Variants in MEOX1 observed in about 807,000 individuals in gnomAD.
The protein encoded by MEOX1 is homeobox protein MOX-1.
Under a neutral mutation model 23.2 loss-of-function variants are expected in MEOX1, and 17 were observed. That is an observed-to-expected ratio of 0.73 (90% confidence interval 0.50 to 1.10). The LOEUF (loss-of-function observed/expected upper bound fraction) is 1.10. Among genes scored for constraint, MEOX1 ranks in the 50% least tolerant of loss-of-function variants. MEOX1 has a pLI of 0.00. For missense variants in MEOX1, 333 were observed against 332.2 expected, an observed-to-expected ratio of 1.00 and a Z score of -0.02; for synonymous variants, 134 against 135.1, an observed-to-expected ratio of 0.99 and a Z score of 0.06.
intron 1 of MEOX1, among the ~76,000 whole-genome samples, chr17:43,657,265 C>T (rs1176535648): frequency 6.7e-6 from 1 of 149,434 alleles, no homozygotes; most frequent in African/African-American, 2.5e-5. Flanking sequence ...CTCCACCTCC[C>T]AAGTTCAAGC....
intron 1 of MEOX1, among the ~76,000 whole-genome samples, chr17:43,658,486 G>A (rs1025721274): frequency 1.0e-4 from 14 of 140,054 alleles, no homozygotes; most frequent in Admixed American, 4.0e-4. Flanking sequence ...CAGCATGGGC[G>A]TTAGAGTGAG....
intron 1 of MEOX1, among the ~76,000 whole-genome samples, chr17:43,660,767 C>T (rs1017327484): frequency 6.6e-6 from 1 of 152,158 alleles, no homozygotes; most frequent in African/African-American, 2.4e-5. Context: ...CCAGCCCTCG[C>T]CAGTCTGCAC....
intron 1 of MEOX1, among the ~76,000 whole-genome samples, chr17:43,659,082 A>G (rs1973093678): frequency 6.6e-6 from 1 of 152,204 alleles, no homozygotes; most frequent in African/African-American, 2.4e-5. Context: ...CCACTCGCCA[A>G]AAAGAGAGCT....
chr17:43,655,592 G>A (rs537221207), intron 1 of MEOX1, among the ~76,000 whole-genome samples: 37 of 148,486 alleles, frequency 2.5e-4, no homozygotes, highest in African/African-American at 8.4e-4. Context: ...GGGAGGCCAA[G>A]GTGGGAGGAC....
intron 1 of MEOX1, among the ~76,000 whole-genome samples, chr17:43,645,580 T>G (rs1972792638): frequency 6.6e-6 from 1 of 152,158 alleles, no homozygotes; most frequent in Admixed American, 6.5e-5. Flanking sequence ...ATCTCTGCCT[T>G]GCCGGCGAGG....
intron 1 of MEOX1, among the ~76,000 whole-genome samples, chr17:43,654,377 A>C (rs1468911876): frequency 6.6e-6 from 1 of 152,090 alleles, no homozygotes; most frequent in African/African-American, 2.4e-5. Context: ...GTGTGGTGGC[A>C]CACGCCTGTA....
rs1036485167 is a variant in MEOX1, at chr17:43,640,588, T to A, written c.*1322A>T. 2 of 152,152 alleles carry A rather than the reference T, an allele frequency of 1.3e-5. No homozygotes were observed. The highest frequency in any genetic ancestry group is 2.9e-5 in the Non-Finnish European group (2 of 68,030). 9.4% of individuals were successfully genotyped at this position (152,152 alleles called of 1,614,324 possible). A position where few individuals can be genotyped will look rare whatever the true frequency, so the allele number is the denominator to read the frequency against. On this transcript the variant is annotated 3_prime_UTR_variant, in exon 3 of 3. Transcript: ENST00000318579. ...GTGGGGAGGTGGGGTTATTTTTACA[T>A]GTGAATGATTACATCTGCGTACAAG...
At position 43,652,832 on chromosome 17, in the gene MEOX1, T is replaced by A. The variant is rs1180682128; in HGVS notation, c.469+8234A>T. On this transcript the variant is annotated intron_variant, in intron 1 of 2. Transcript: ENST00000318579. The stretch of plus-strand genomic sequence containing the variant: ...TTCTCATCTCTACTATTGCTTTTTT[T>A]TTTTTTTTTTTTTTTTTGAGACGGA... Among the ~76,000 whole-genome samples the A allele has an allele frequency of 2.1e-4, 29 of 136,960 alleles. 1 individual carries two copies. The highest frequency in any genetic ancestry group is 5.7e-4 in the African/African-American group (21 of 36,652). 89.9% of individuals were successfully genotyped at this position (136,960 alleles called of 152,430 possible). A position where few individuals can be genotyped will look rare whatever the true frequency, so the allele number is the denominator to read the frequency against.
At chr17:43,655,648 A>ACC (rs1973001789) in intron 1 of MEOX1, among the ~76,000 whole-genome samples, 1 of 137,288 alleles carries the variant, frequency 7.3e-6, no homozygotes, top group African/African-American at 2.7e-5. Context: ...GCATAGCAAG[A>ACC]CCCTGTCTTT....
chr17:43,651,085 G>A (rs1394445093), intron 1 of MEOX1, among the ~76,000 whole-genome samples: 1 of 152,184 alleles, frequency 6.6e-6, no homozygotes, highest in East Asian at 1.9e-4. Context: ...TTGGGAGGCC[G>A]AGGCGGGTGG....
In MEOX1 at chr17:43,643,496, C is replaced by A; in HGVS notation, c.634G>T (p.Glu212Ter). ...GCCCACCGGGGGCGCACCTGGCGCT[C>A]AGAGAGGTCCAGGTTTACCGCAATC... ...YEIAVNLDLS[E>*]RQVKVWFQNR... is the part of the protein sequence containing the mutation. The change falls in exon 2 of 3, where the codon GAG becomes TAG. Residue 212 changes from glutamate to a stop codon, truncating the protein, a stop_gained. Transcript: ENST00000318579. LOFTEE classifies it high-confidence loss of function. The A allele has an allele frequency of 6.3e-7, 1 of 1,587,768 alleles. No individual in the cohort carries two copies. Among genetic ancestry groups the A allele is most frequent in the Non-Finnish European group, 8.6e-7 (1 of 1,166,654 alleles).
chr17:43,654,866 C>G (rs989742275), intron 1 of MEOX1, among the ~76,000 whole-genome samples: 1 of 151,874 alleles, frequency 6.6e-6, no homozygotes, highest in Non-Finnish European at 1.5e-5. Flanking sequence ...TCCTGGCTAA[C>G]ACAGTGAAAC....
chr17:43,643,663 G>C lies in MEOX1; in HGVS notation c.470-3C>G. 1 of 1,611,194 alleles carries C rather than the reference G, an allele frequency of 6.2e-7. No individual in the cohort carries two copies. Among genetic ancestry groups the C allele is most frequent in the Non-Finnish European group, 8.5e-7 (1 of 1,178,926 alleles). Reference sequence around the variant, plus strand: ...CTTCCCTCTGTTCTCCTGGTTGTCTGGGGAGAGAGGACCCCAAACAGGAAG... The same window carrying C: ...CTTCCCTCTGTTCTCCTGGTTGTCTCGGGAGAGAGGACCCCAAACAGGAAG... On this transcript the variant is annotated splice_region_variant and splice_polypyrimidine_tract_variant and intron_variant, in intron 1 of 2. Coordinates refer to ENST00000318579, the MANE Select transcript of MEOX1 (RefSeq NM_004527.4).
At chr17:43,645,775 C>A (rs550130620) in intron 1 of MEOX1, among the ~76,000 whole-genome samples, 1 of 152,326 alleles carries the variant, frequency 6.6e-6, no homozygotes, top group East Asian at 1.9e-4. Context: ...CACTTTGGAG[C>A]TTTGAGCCTA....
chr17:43,644,650 C>T (rs976823498), intron 1 of MEOX1, among the ~76,000 whole-genome samples: 2 of 152,164 alleles, frequency 1.3e-5, no homozygotes, highest in Admixed American at 6.5e-5. Flanking sequence ...AGGGGCCAGG[C>T]GCGGTGGCTC....
chr17:43,644,806 C>T (rs910016700), intron 1 of MEOX1, among the ~76,000 whole-genome samples: 3 of 152,158 alleles, frequency 2.0e-5, no homozygotes, highest in Non-Finnish European at 2.9e-5. Context: ...ATCCCAACTA[C>T]TTGGGAGGCT....
Position 43,643,468 on chromosome 17 carries a change from G to A in MEOX1, c.642+20C>T, listed in dbSNP as rs983058690. ...GGAGATGAGAGAGCAAAGAAGAGGA[G>A]GGGCCCACCGGGGGCGCACCTGGCG... On this transcript the variant is annotated intron_variant, in intron 2 of 2. Coordinates refer to ENST00000318579, the MANE Select transcript of MEOX1 (RefSeq NM_004527.4). 8.4e-6 allele frequency: 13 copies of A among 1,549,774 alleles called. No homozygotes were observed. Among genetic ancestry groups the A allele is most frequent in the African/African-American group, 1.4e-5 (1 of 73,412 alleles).
intron 1 of MEOX1, among the ~76,000 whole-genome samples, chr17:43,660,106 G>C (rs558993767): frequency 1.3e-5 from 2 of 152,346 alleles, no homozygotes; most frequent in South Asian, 4.1e-4. Context: ...AGGGCAGCAC[G>C]GGCAGGAGGC....
intron 1 of MEOX1, 45 bp downstream of exon 1, chr17:43,661,021 G>T: frequency 1.5e-6 from 2 of 1,300,306 alleles, no homozygotes; most frequent in Non-Finnish European, 2.1e-6. Context: ...AACTTCCCCA[G>T]GGTCACACAG....
Sources: gnomAD v4.1 joint callset for allele counts (sites outside exome capture counted in the v4.1 genomes callset) on GRCh38, gnomAD v4.1.1 for gene constraint, MANE v1.5 for transcripts, NCBI Gene and HGNC (gene_info 2026-07-23, HGNC 2026-07-21) for gene names.